Variants in METAP1D observed in about 807,000 individuals in gnomAD.
The protein encoded by METAP1D is methionyl aminopeptidase type 1D, mitochondrial, also known as methionine aminopeptidase 1D, mitochondrial.
A neutral mutation model predicts 40.5 loss-of-function variants in METAP1D; 31 were observed. The ratio of observed to expected loss-of-function variants is 0.77; its 90% CI spans 0.58 to 1.03. The LOEUF (loss-of-function observed/expected upper bound fraction) is 1.03, where lower values mean the gene tolerates loss of function less well. Ranked by LOEUF, METAP1D falls within the 50% of genes least tolerant of loss-of-function variation. The pLI, the probability that METAP1D is intolerant of heterozygous loss-of-function variation, is 0.00. For missense variants in METAP1D, 411 were observed against 420.7 expected, an observed-to-expected ratio of 0.98 and a Z score of 0.20; for synonymous variants, 151 against 146.4, an observed-to-expected ratio of 1.03 and a Z score of -0.22.
intron 6 of METAP1D, among the ~76,000 whole-genome samples, chr2:172,074,091 G>A (rs967976211): frequency 7.2e-5 from 11 of 152,108 alleles, no homozygotes; most frequent in African/African-American, 1.2e-4. Flanking sequence ...TAGACTCACT[G>A]TATCTCCATT....
chr2:172,002,500 C>T (rs761275593), intron 1 of METAP1D, among the ~76,000 whole-genome samples: 21 of 152,250 alleles, frequency 1.4e-4, no homozygotes, highest in South Asian at 8.3e-4. Context: ...ATATGGAAGT[C>T]AGGCCAAGTT....
chr2:172,065,526 C>A (rs1233109512), intron 3 of METAP1D, 78 bp from the exon 4 acceptor site: 6 of 1,383,394 alleles, frequency 4.3e-6, no homozygotes, highest in Non-Finnish European at 6.0e-6. Flanking sequence ...CATGGAAGTA[C>A]TGTTGCTATA....
At chr2:172,045,801 G>A (rs1470877310) in intron 1 of METAP1D, among the ~76,000 whole-genome samples, 1 of 10,374 alleles carries the variant, frequency 9.6e-5, no homozygotes, top group African/African-American at 3.4e-4. Flanking sequence ...GTATATATGT[G>A]TGTGTGTGTG....
intron 9 of METAP1D, 59 bp downstream of exon 9, chr2:172,080,265 G>A (rs1468038379): frequency 6.2e-7 from 1 of 1,613,832 alleles, no homozygotes; most frequent in Non-Finnish European, 8.5e-7. Context: ...TTGGTCCGAC[G>A]GCGCGCTTGT....
intron 1 of METAP1D, among the ~76,000 whole-genome samples, chr2:172,058,768 A>C (rs1690057597): frequency 6.6e-6 from 1 of 152,186 alleles, no homozygotes; most frequent in East Asian, 1.9e-4. Flanking sequence ...ACACCTCTAT[A>C]AGTTAGATTC....
chr2:172,026,803 C>A (rs763583054), intron 1 of METAP1D, among the ~76,000 whole-genome samples: 1 of 152,100 alleles, frequency 6.6e-6, no homozygotes, highest in African/African-American at 2.4e-5. Context: ...GGTAAGTTGA[C>A]GAGGTGCAAG....
intron 1 of METAP1D, 93 bp downstream of exon 1, chr2:172,000,102 T>A (rs62183782): frequency 0.52 from 582,642 of 1,125,828 alleles, 156,720 homozygotes; most frequent in Middle Eastern, 0.61. Context: ...GCGCTCAGAC[T>A]TCTCGGCGCA....
rs1690684051 is a variant in METAP1D, at chr2:172,080,668, G to A, written c.*262G>A. ...CAGCGCGGTCAACGCATCTGGAGGGGACTGGAGGAAACCCCCTTGTTGGAA... is the reference window on the plus strand; with the variant it reads ...CAGCGCGGTCAACGCATCTGGAGGGAACTGGAGGAAACCCCCTTGTTGGAA... On this transcript the variant is annotated 3_prime_UTR_variant, in exon 10 of 10. Transcript: ENST00000315796. 1 of 585,658 alleles carries A rather than the reference G, an allele frequency of 1.7e-6. No homozygotes were observed. The highest frequency in any genetic ancestry group is 3.0e-6 in the Non-Finnish European group (1 of 329,338). 36.3% of individuals were successfully genotyped at this position (585,658 alleles called of 1,614,324 possible). A position where few individuals can be genotyped will look rare whatever the true frequency, so the allele number is the denominator to read the frequency against.
intron 1 of METAP1D, among the ~76,000 whole-genome samples, chr2:172,016,308 T>A (rs867054855): frequency 0.015 from 963 of 63,368 alleles, 13 homozygotes; most frequent in Non-Finnish European, 0.019. Context: ...AAAATATATA[T>A]ATATATATAT....
rs1210508786 is a variant in METAP1D, at chr2:172,045,697, A to G, written c.41-15801A>G. ...AAAAAAAAAAAAGGATCATTCATAT[A>G]TATGTGTGTGTGTGTGTGTGTGTGT... On this transcript the variant is annotated intron_variant, in intron 1 of 9. Coordinates refer to ENST00000315796, the MANE Select transcript of METAP1D (RefSeq NM_199227.3). Among the ~76,000 whole-genome samples, 31 of 65,918 alleles carry G rather than the reference A, an allele frequency of 4.7e-4. 1 individual carries two copies. The highest frequency in any genetic ancestry group is 1.6e-3 in the African/African-American group (31 of 18,800). The allele number at this position is 65,918 out of a possible 152,430, so 43.2% of individuals were successfully genotyped here. A position where few individuals can be genotyped will look rare whatever the true frequency, so the allele number is the denominator to read the frequency against.
Position 172,080,373 on chromosome 2 carries a change from G to T in METAP1D, c.975G>T (p.Ala325=). 2 of 1,614,030 alleles carry T rather than the reference G, an allele frequency of 1.2e-6. No homozygotes were observed. The highest frequency in any genetic ancestry group is 1.7e-6 in the Non-Finnish European group (2 of 1,179,902). The change falls in exon 10 of 10, where the codon GCG becomes GCT. Residue 325 remains alanine, a synonymous_variant. Transcript: ENST00000315796. Reference sequence around the variant, plus strand: ...CGGTTCTGATCACGTCGAGGGGCGCGCAGATCCTGACCAAACTACCCCATG... The same window carrying T: ...CGGTTCTGATCACGTCGAGGGGCGCTCAGATCCTGACCAAACTACCCCATG... ...EHTVLITSRG[A]QILTKLPHEA is the part of the protein sequence containing the mutation.
chr2:172,063,417 G>T (rs76640884), intron 2 of METAP1D, among the ~76,000 whole-genome samples: 1 of 152,140 alleles, frequency 6.6e-6, no homozygotes, highest in Non-Finnish European at 1.5e-5. Flanking sequence ...GTTGGGAGGA[G>T]GAAAAAGAGA....
chr2:172,047,015 A>G (rs1280947239), intron 1 of METAP1D, among the ~76,000 whole-genome samples: 1 of 152,096 alleles, frequency 6.6e-6, no homozygotes, highest in African/African-American at 2.4e-5. Context: ...GTCACTGGTA[A>G]TTATTTGTTT....
intron 3 of METAP1D, among the ~76,000 whole-genome samples, chr2:172,064,829 T>G (rs1021739300): frequency 6.6e-6 from 1 of 152,140 alleles, no homozygotes; most frequent in Non-Finnish European, 1.5e-5. Flanking sequence ...AATGTATATA[T>G]ACAAAATGAA....
Position 172,080,308 on chromosome 2 carries a change from G to C in METAP1D, c.930-20G>C. 1.9e-6 allele frequency: 3 copies of C among 1,614,174 alleles called. No homozygotes were observed. The highest frequency in any genetic ancestry group is 2.5e-6 in the Non-Finnish European group (3 of 1,179,996). On this transcript the variant is annotated intron_variant, in intron 9 of 9. Transcript: ENST00000315796. ...CCGGAGCTTGCGTGCGCGTTCTGAC[G>C]GCTGGGTGCTGTGTTACAGGTCGGC...
At position 172,005,785 on chromosome 2, in the gene METAP1D, A is replaced by G. The variant is rs891650103; in HGVS notation, c.40+5776A>G. ...AACTCCTGACCCAAATGATCCACCC[A>G]CCTCGGCCTCCCAAAGTGCTGGGAT... On this transcript the variant is annotated intron_variant, in intron 1 of 9. Transcript: ENST00000315796. Among the ~76,000 whole-genome samples, 28 of 151,480 alleles carry G rather than the reference A, an allele frequency of 1.8e-4. No individual in the cohort carries two copies. In the Admixed American group the frequency reaches 1.8e-3, roughly 10 times the overall value.
At chr2:172,023,572 C>T (rs971425885) in intron 1 of METAP1D, among the ~76,000 whole-genome samples, 1 of 152,122 alleles carries the variant, frequency 6.6e-6, no homozygotes, top group African/African-American at 2.4e-5. Flanking sequence ...TACATGCATT[C>T]GTCAGGACTC....
chr2:172,042,258 CATATACAT>C (rs1246477117), intron 1 of METAP1D, among the ~76,000 whole-genome samples: 755 of 9,672 alleles, frequency 0.078, 332 homozygotes, highest in Middle Eastern at 0.2. Context: ...CATGTGTACA[CATATACAT>C]ATATACATAT....
intron 6 of METAP1D, among the ~76,000 whole-genome samples, chr2:172,073,308 GTTGGAAA>G (rs1690467024): frequency 6.6e-6 from 1 of 151,940 alleles, no homozygotes; most frequent in African/African-American, 2.4e-5. Flanking sequence ...ATAGCATTCA[GTTGGAAA>G]ATTTGATAAA....
Sources: allele counts gnomAD v4.1 joint callset (sites outside exome capture counted in the v4.1 genomes callset), GRCh38; gene constraint gnomAD v4.1.1; transcripts MANE v1.5; gene names NCBI Gene and HGNC (gene_info 2026-07-23, HGNC 2026-07-21).